The following C2CD3 variants were observed in gnomAD, a reference collection of about 807,000 sequenced individuals.
The protein encoded by C2CD3 is C2 domain containing 3 centriole elongation regulator, also known as C2 domain-containing protein 3.
A neutral mutation model predicts 234.0 loss-of-function variants in C2CD3; 148 were observed. The observed-to-expected ratio is 0.63, with a 90% CI of 0.55 to 0.72. C2CD3 has a LOEUF of 0.72. C2CD3 is among the 30% of genes least tolerant of loss of function. The pLI, the probability that C2CD3 is intolerant of heterozygous loss-of-function variation, is 0.00. For missense variants in C2CD3, 2,577 were observed against 2,811.5 expected (o/e 0.92, Z 1.89); for synonymous variants, 1,000 against 1,035.4 (o/e 0.97, Z 0.66).
chr11:74,148,673 A>G (rs1188840891), intron 3 of C2CD3, among the ~76,000 whole-genome samples: 1 of 152,088 alleles, frequency 6.6e-6, no homozygotes, highest in Non-Finnish European at 1.5e-5. Flanking sequence ...GTAATGAACT[A>G]TATCTGCCTT....
intron 9 of C2CD3, among the ~76,000 whole-genome samples, chr11:74,117,484 C>T (rs1375743443): frequency 6.7e-6 from 1 of 149,566 alleles, no homozygotes; most frequent in Non-Finnish European, 1.5e-5. Context: ...TGAAGTAACT[C>T]AGGAACAGAA....
intron 30 of C2CD3, among the ~76,000 whole-genome samples, chr11:74,035,635 T>C (rs73555983): frequency 0.019 from 2,953 of 152,162 alleles, 96 homozygotes; most frequent in African/African-American, 0.067. Flanking sequence ...TCATATCCAT[T>C]TGTCTGATGG....
rs1331159992 is a variant in C2CD3, at chr11:74,084,875, C to T, written c.4000+6G>A. 6.4e-7 allele frequency: 1 copy of T among 1,570,194 alleles called. No individual in the cohort carries two copies. Among genetic ancestry groups the T allele is most frequent in the Non-Finnish European group, 8.8e-7 (1 of 1,140,364 alleles). On this transcript the variant is annotated splice_donor_region_variant and intron_variant, in intron 22 of 32. Transcript: ENST00000334126. ...GCATCAGAAAGTGATAATCCAGGAT[C>T]CTTACCAGATCTCTTGATCAGCAGC...
chr11:74,131,761 A>T (rs1418842638), intron 7 of C2CD3, among the ~76,000 whole-genome samples: 2 of 152,138 alleles, frequency 1.3e-5, no homozygotes, highest in African/African-American at 4.8e-5. Flanking sequence ...TAGTAGAGAC[A>T]GGGTTTCACC....
At chr11:74,056,722 T>TA (rs1421799727) in intron 25 of C2CD3, among the ~76,000 whole-genome samples, 2 of 152,188 alleles carry the variant, frequency 1.3e-5, no homozygotes, top group African/African-American at 4.8e-5. Context: ...TTTCTGATAT[T>TA]AGTTCTTTTT....
chr11:74,125,078 T>C (rs950895728), intron 7 of C2CD3, among the ~76,000 whole-genome samples: 1 of 152,202 alleles, frequency 6.6e-6, no homozygotes, highest in African/African-American at 2.4e-5. Flanking sequence ...AGGCTTATAA[T>C]AAAAAACAGT....
At chr11:74,071,892 CTG>C (rs1196243225) in intron 24 of C2CD3, among the ~76,000 whole-genome samples, 3 of 152,074 alleles carry the variant, frequency 2.0e-5, no homozygotes, top group African/African-American at 7.2e-5. Context: ...TATTATAAAA[CTG>C]TAATTCACTG....
chr11:74,156,645 T>G (rs1856045449), intron 3 of C2CD3, among the ~76,000 whole-genome samples: 1 of 151,864 alleles, frequency 6.6e-6, no homozygotes, highest in African/African-American at 2.4e-5. Flanking sequence ...TCCCTTCTCT[T>G]AAAAGGAAGA....
At chr11:74,170,605 C>A in intron 1 of C2CD3, 133 bp downstream of exon 1, 2 of 1,047,832 alleles carry the variant, frequency 1.9e-6, no homozygotes, top group South Asian at 1.4e-5. Flanking sequence ...TTCCTTTTAA[C>A]CTTCTGGTTC....
At chr11:74,040,439 T>C (rs1225650069) in intron 29 of C2CD3, among the ~76,000 whole-genome samples, 1 of 152,198 alleles carries the variant, frequency 6.6e-6, no homozygotes, top group Non-Finnish European at 1.5e-5. Flanking sequence ...TGACTTTGCA[T>C]TATGAATCAA....
intron 17 of C2CD3, among the ~76,000 whole-genome samples, chr11:74,094,392 T>C (rs1269587488): frequency 6.6e-6 from 1 of 152,180 alleles, no homozygotes; most frequent in Non-Finnish European, 1.5e-5. Context: ...TAAGAAATGA[T>C]TGATTTGTAA....
chr11:74,084,521 C>T (rs1401684628), intron 22 of C2CD3, among the ~76,000 whole-genome samples: 3 of 151,986 alleles, frequency 2.0e-5, no homozygotes, highest in African/African-American at 7.3e-5. Context: ...GGTGATCTGC[C>T]CGCCTTGGCT....
At chr11:74,078,811 G>A in intron 22 of C2CD3, 94 bp from the exon 23 acceptor site, 1 of 1,193,634 alleles carries the variant, frequency 8.4e-7, no homozygotes, top group Non-Finnish European at 1.1e-6. Flanking sequence ...CTATCATCCT[G>A]GCTCAAGACA....
intron 5 of C2CD3, among the ~76,000 whole-genome samples, chr11:74,136,490 T>C (rs1053418610): frequency 6.6e-6 from 1 of 152,164 alleles, no homozygotes; most frequent in Non-Finnish European, 1.5e-5. Context: ...GACTTTACCT[T>C]AAAGTCTGAG....
intron 24 of C2CD3, among the ~76,000 whole-genome samples, chr11:74,058,301 G>C (rs1954052017): frequency 1.3e-5 from 2 of 152,048 alleles, no homozygotes; most frequent in African/African-American, 4.8e-5. Context: ...AATACTAAGA[G>C]TAAGTAACAC....
At chr11:74,023,258 G>A (rs1216358730) in intron 32 of C2CD3, among the ~76,000 whole-genome samples, 1 of 152,240 alleles carries the variant, frequency 6.6e-6, no homozygotes, top group Non-Finnish European at 1.5e-5. Context: ...GGGATGGGCT[G>A]TTAGCCCTGA....
intron 28 of C2CD3, among the ~76,000 whole-genome samples, chr11:74,045,993 A>G (rs1168176960): frequency 6.6e-6 from 1 of 152,248 alleles, no homozygotes; most frequent in Non-Finnish European, 1.5e-5. Flanking sequence ...TATAACCCAC[A>G]TAAACCCGTT....
rs750071441 is a variant in C2CD3 at position 74,138,786 on chromosome 11, C to G, written c.889G>C (p.Ala297Pro). 2 of 1,612,602 alleles carry G rather than the reference C, an allele frequency of 1.2e-6. No homozygotes were observed. Among genetic ancestry groups the G allele is most frequent in the Non-Finnish European group, 1.7e-6 (2 of 1,178,634 alleles). Residue 297 changes from alanine to proline, a missense_variant, in exon 5 of 33, where the codon GCC becomes CCC. Coordinates refer to ENST00000334126, the MANE Select transcript of C2CD3 (RefSeq NM_001286577.2). ...ATGCATGAGTCACTGTGACTCTTGG[C>G]AACTGTTCTAATTTGAGGCTGGAAT... The part of the protein sequence containing the change: ...SEFQPQIRTV[A>P]KSHSDSCILS...
rs189669216 is a variant in C2CD3 at position 74,080,586 on chromosome 11, T to C, written c.4001-1869A>G. ...TTACTTTAGCTTTGCGATTCTATAA[T>C]TGAGGTTATAGGTAGGAAAAAACAA... is the stretch of plus-strand genomic sequence containing the variant. On this transcript the variant is annotated intron_variant, in intron 22 of 32. Transcript: ENST00000334126. 2.4e-4 allele frequency among the ~76,000 whole-genome samples: 37 copies of C among 152,294 alleles called. No individual in the cohort carries two copies. The East Asian group carries it at 6.7e-3, about 28-fold the overall frequency.
Sources: gnomAD v4.1 joint callset for allele counts (sites outside exome capture counted in the v4.1 genomes callset) on GRCh38, gnomAD v4.1.1 for gene constraint, MANE v1.5 for transcripts, NCBI Gene and HGNC (gene_info 2026-07-23, HGNC 2026-07-21) for gene names.